PTK2: variants seen among roughly 807,000 people sequenced by gnomAD.
The protein encoded by PTK2 is focal adhesion kinase 1.
Under a neutral mutation model 150.1 loss-of-function variants are expected in PTK2, and 45 were observed. That is an observed-to-expected ratio of 0.30 (90% CI 0.24 to 0.38). The LOEUF (loss-of-function observed/expected upper bound fraction) is 0.38, where lower values mean the gene tolerates loss of function less well. Ranked by LOEUF, PTK2 falls within the 10% of genes least tolerant of loss-of-function variation. The pLI is 1.00. For synonymous variants in PTK2, 432 were observed against 449.2 expected, an observed-to-expected ratio of 0.96 and a Z score of 0.48; for missense variants, 919 against 1,307.3, an observed-to-expected ratio of 0.70 and a Z score of 4.58.
intron 21 of PTK2, among the ~76,000 whole-genome samples, chr8:140,738,006 G>A (rs1462021428): frequency 6.6e-6 from 1 of 152,082 alleles, no homozygotes; most frequent in Non-Finnish European, 1.5e-5. Context: ...TCAACAGTAA[G>A]TAAACAGAAG....
At chr8:140,875,753 C>A (rs2100145111) in intron 4 of PTK2, among the ~76,000 whole-genome samples, 1 of 152,174 alleles carries the variant, frequency 6.6e-6, no homozygotes, top group Admixed American at 6.5e-5. Context: ...TAATTTGTTT[C>A]TCAGTTTCCC....
At chr8:140,971,633 C>T (rs1010642175) in intron 1 of PTK2, among the ~76,000 whole-genome samples, 1 of 152,202 alleles carries the variant, frequency 6.6e-6, no homozygotes, top group African/African-American at 2.4e-5. Context: ...GAAAACAGTA[C>T]TTATATGAGG....
At chr8:140,911,803 CTTATT>C (rs1030048213) in intron 2 of PTK2, among the ~76,000 whole-genome samples, 10 of 152,078 alleles carry the variant, frequency 6.6e-5, no homozygotes, top group Admixed American at 1.3e-4. Flanking sequence ...CATTTTCCAA[CTTATT>C]TTATTAGAAC....
rs535906961 is a variant in PTK2 at position 140,669,587 on chromosome 8, T to C, written c.2710-1163A>G. ...GCATATATAAACACTGCTTTTGGCA[T>C]CTGTCAGTCATGAGAGGTGACAAAG... On this transcript the variant is annotated intron_variant, in intron 29 of 31. Coordinates refer to ENST00000522684, the Ensembl canonical transcript of PTK2. The C allele has an allele frequency of 7.2e-6, 6 of 830,256 alleles. No individual in the cohort carries two copies. In the South Asian group the frequency reaches 1.0e-4, roughly 14 times the overall value. 51.4% of individuals were successfully genotyped at this position (830,256 alleles called of 1,614,324 possible).
At chr8:140,762,329 T>C (rs1052933762) in intron 15 of PTK2, 39 bp downstream of exon 18, 77 of 1,133,334 alleles carry the variant, frequency 6.8e-5, no homozygotes, top group Non-Finnish European at 8.0e-5. Flanking sequence ...CAGGTTGCAA[T>C]TGCAAGCAAA....
intron 14 of PTK2, among the ~76,000 whole-genome samples, chr8:140,787,785 C>T (rs922818109): frequency 6.6e-6 from 1 of 152,170 alleles, no homozygotes; most frequent in African/African-American, 2.4e-5. Context: ...GTGGCAAGCA[C>T]CAAAAGGGCA....
Position 140,896,352 on chromosome 8 carries a change from A to G in PTK2, c.-32-5583T>C, listed in dbSNP as rs540090832. On this transcript the variant is annotated intron_variant, in intron 2 of 31. Coordinates refer to ENST00000522684, the Ensembl canonical transcript of PTK2. ...ACCTGACAGAACAGGATGAGAAACG[A>G]TAAAAGTCTACCTTTCTTATAAACA... 6.6e-5 allele frequency among the ~76,000 whole-genome samples: 10 copies of G among 152,370 alleles called. 1 individual carries two copies. The South Asian group carries it at 2.1e-3, about 32-fold the overall frequency.
chr8:140,677,065 C>T (rs1212464757), intron 27 of PTK2, among the ~76,000 whole-genome samples: 4 of 151,898 alleles, frequency 2.6e-5, no homozygotes, highest in Admixed American at 2.0e-4. Flanking sequence ...TGCACTTATA[C>T]ACCTTAAATT....
intron 27 of PTK2, among the ~76,000 whole-genome samples, chr8:140,679,388 A>C (rs903908501): frequency 6.6e-6 from 1 of 152,158 alleles, no homozygotes; most frequent in Non-Finnish European, 1.5e-5. Context: ...GGGTAACAAG[A>C]AAGTTTAATG....
chr8:140,746,892 C>CTTT (rs369382658), intron 17 of PTK2, 32 bp from the exon 21 acceptor site: 377 of 988,816 alleles, frequency 3.8e-4, no homozygotes, highest in Middle Eastern at 6.8e-4. Context: ...GTTATTCTTT[C>CTTT]TTTTTTTTTT....
At chr8:140,706,549 T>C (rs546133519) in intron 23 of PTK2, among the ~76,000 whole-genome samples, 10 of 152,294 alleles carry the variant, frequency 6.6e-5, no homozygotes, top group Non-Finnish European at 1.2e-4. Context: ...CTCATGCCTG[T>C]AATCCCAGCA....
At chr8:140,674,827 GCCTGA>G (rs1342035353) in intron 28 of PTK2, among the ~76,000 whole-genome samples, 1 of 151,496 alleles carries the variant, frequency 6.6e-6, no homozygotes, top group Non-Finnish European at 1.5e-5. Flanking sequence ...GCGGGCGGAT[GCCTGA>G]CCTCAGGAGT....
chr8:140,844,356 C>T (rs377755382), intron 7 of PTK2, among the ~76,000 whole-genome samples: 4 of 152,190 alleles, frequency 2.6e-5, no homozygotes, highest in East Asian at 1.9e-4. Flanking sequence ...GGGTTTTATG[C>T]TCCACCTCCT....
At chr8:140,836,384 C>CGTG (rs2100118664) in intron 7 of PTK2, among the ~76,000 whole-genome samples, 2 of 152,132 alleles carry the variant, frequency 1.3e-5, no homozygotes, top group African/African-American at 2.4e-5. Flanking sequence ...AGAATACATA[C>CGTG]GTGGTGATGA....
intron 1 of PTK2, among the ~76,000 whole-genome samples, chr8:140,963,645 C>T (rs963596276): frequency 1.3e-5 from 2 of 152,190 alleles, no homozygotes; most frequent in African/African-American, 2.4e-5. Context: ...TTATGTCAAC[C>T]GCTCAAAAGT....
chr8:140,819,972 G>T (rs2100107156), intron 8 of PTK2, among the ~76,000 whole-genome samples: 1 of 151,318 alleles, frequency 6.6e-6, no homozygotes, highest in African/African-American at 2.4e-5. Context: ...CTAATGAAGA[G>T]GGGCAAGAGA....
intron 1 of PTK2, among the ~76,000 whole-genome samples, chr8:140,942,648 G>A (rs567383284): frequency 1.7e-4 from 26 of 149,696 alleles, no homozygotes; most frequent in African/African-American, 2.4e-4. Flanking sequence ...GTGTGTGTGC[G>A]CGCATATATG....
rs542231748 is a variant in PTK2 at position 140,895,966 on chromosome 8, G to A, written c.-32-5197C>T. On this transcript the variant is annotated intron_variant, in intron 2 of 31. Transcript: ENST00000522684. ...AAACAAAATTGATACACCTCTCTAA[G>A]ACTAATCAAAGATAAAATGAGTCAA... 1.2e-3 allele frequency among the ~76,000 whole-genome samples: 179 copies of A among 152,004 alleles called. 2 individuals carry two copies. The highest frequency in any genetic ancestry group is 4.1e-3 in the African/African-American group (171 of 41,484).
chr8:140,880,500 G>C (rs1035889337), intron 3 of PTK2, among the ~76,000 whole-genome samples: 1 of 152,178 alleles, frequency 6.6e-6, no homozygotes, highest in East Asian at 1.9e-4. Flanking sequence ...TTACACGAGG[G>C]TATGCAAATT....
Sources: gnomAD v4.1 joint callset for allele counts (sites outside exome capture counted in the v4.1 genomes callset) on GRCh38, gnomAD v4.1.1 for gene constraint, MANE v1.5 for transcripts, NCBI Gene and HGNC (gene_info 2026-07-23, HGNC 2026-07-21) for gene names.